The following MEGF9 variants were observed in gnomAD, a reference collection of about 807,000 sequenced individuals.
MEGF9 encodes the protein multiple epidermal growth factor-like domains protein 9.
Under a neutral mutation model 46.8 loss-of-function variants are expected in MEGF9, and 6 were observed. The observed-to-expected ratio is 0.13, with a 90% CI of 0.07 to 0.25. The LOEUF (loss-of-function observed/expected upper bound fraction) is 0.25. Among genes scored for constraint, MEGF9 ranks in the 10% least tolerant of loss-of-function variants. The pLI, the probability that MEGF9 is intolerant of heterozygous loss-of-function variation, is 1.00. For missense variants in MEGF9, 683 were observed against 792.4 expected (o/e 0.86, Z 1.66); for synonymous variants, 302 against 330.7 (o/e 0.91, Z 0.94).
At chr9:120,630,118 G>A (rs1053340975) in intron 2 of MEGF9, among the ~76,000 whole-genome samples, 3 of 151,996 alleles carry the variant, frequency 2.0e-5, no homozygotes, top group Non-Finnish European at 2.9e-5. Context: ...GGTACAGTGT[G>A]GTATGTCAAT....
chr9:120,696,339 G>T (rs1033808191), intron 1 of MEGF9, among the ~76,000 whole-genome samples: 7 of 152,162 alleles, frequency 4.6e-5, no homozygotes, highest in African/African-American at 1.4e-4. Flanking sequence ...TAGTGATTAG[G>T]AGAGGCAGCT....
chr9:120,646,449 T>A (rs1228129144), intron 2 of MEGF9, among the ~76,000 whole-genome samples: 1 of 152,162 alleles, frequency 6.6e-6, no homozygotes, highest in East Asian at 1.9e-4. Flanking sequence ...AGTAAGCCCA[T>A]CTCTGAGATG....
Position 120,637,790 on chromosome 9 carries a change from CAAAAAAAA to C in MEGF9, c.804-15043_804-15036del, listed in dbSNP as rs34861368. ...AGGGCAACAGGGCAAGACTCTGTCT[CAAAAAAAA>C]AAAAAAAAAAAAAAAAAAAGTACTA... On this transcript the variant is annotated intron_variant, in intron 2 of 5. Transcript: ENST00000373930. Among the ~76,000 whole-genome samples, 191 of 34,786 alleles carry C rather than the reference CAAAAAAAA, an allele frequency of 5.5e-3. 2 individuals carry two copies. Among genetic ancestry groups the C allele is most frequent in the African/African-American group, 0.02 (176 of 8,960 alleles). 22.8% of individuals were successfully genotyped at this position (34,786 alleles called of 152,430 possible).
chr9:120,668,889 A>G (rs1334949477), intron 1 of MEGF9, among the ~76,000 whole-genome samples: 2 of 152,202 alleles, frequency 1.3e-5, no homozygotes, highest in Non-Finnish European at 2.9e-5. Context: ...GAGTAACTCC[A>G]AAGTCCATGT....
At chr9:120,705,063 G>A (rs2043922170) in intron 1 of MEGF9, among the ~76,000 whole-genome samples, 1 of 151,960 alleles carries the variant, frequency 6.6e-6, no homozygotes, top group Non-Finnish European at 1.5e-5. Context: ...GCAGGGGGTA[G>A]GTGGGGCATA....
chr9:120,614,911 TTATATACA>T (rs947144921), intron 3 of MEGF9, among the ~76,000 whole-genome samples: 1 of 152,050 alleles, frequency 6.6e-6, no homozygotes, highest in African/African-American at 2.4e-5. Flanking sequence ...TTGCTACCCT[TTATATACA>T]TATATACATA....
At chr9:120,662,625 A>G (rs2043707587) in intron 1 of MEGF9, among the ~76,000 whole-genome samples, 1 of 152,268 alleles carries the variant, frequency 6.6e-6, no homozygotes, top group South Asian at 2.1e-4. Flanking sequence ...TAATAATAGT[A>G]GCTATACCAC....
At chr9:120,707,031 G>A (rs1341126266) in intron 1 of MEGF9, among the ~76,000 whole-genome samples, 3 of 152,106 alleles carry the variant, frequency 2.0e-5, no homozygotes, top group Non-Finnish European at 4.4e-5. Context: ...TATGGATTCT[G>A]GAGCCAGACC....
At chr9:120,664,013 T>C (rs2043714206) in intron 1 of MEGF9, among the ~76,000 whole-genome samples, 1 of 152,208 alleles carries the variant, frequency 6.6e-6, no homozygotes, top group African/African-American at 2.4e-5. Context: ...AATCAAATCC[T>C]GCACTTTTTC....
At position 120,605,595 on chromosome 9, in the gene MEGF9, A is replaced by C. The variant is rs780329338; in HGVS notation, c.1404T>G (p.Asn468Lys). ...TGGGCACTGATGTGGTCAAAGAGGC[A>C]TTGGAAACCAAAATGGTAGAACCTT... ...TPEGSTILVS[N>K]ASLTTSVPTP... Residue 468 changes from asparagine to lysine, a missense_variant, in exon 6 of 6, where the codon AAT becomes AAG. Asn to Lys is a moderately conservative substitution (Grantham distance 94). Around this residue, in one of 2 missense-constraint regions of MEGF9, gnomAD observed 313 missense variants for 421.1 expected, o/e 0.74. Coordinates refer to ENST00000373930, the MANE Select transcript of MEGF9 (RefSeq NM_001080497.3). The surrounding 1 kb of genome is among the most constrained non-coding windows in gnomAD (Gnocchi z 4.0). 2 of 1,598,766 alleles carry C rather than the reference A, an allele frequency of 1.3e-6. No individual in the cohort carries two copies. Among genetic ancestry groups the C allele is most frequent in the Non-Finnish European group, 1.7e-6 (2 of 1,171,700 alleles).
chr9:120,700,684 G>A (rs930166039), intron 1 of MEGF9, among the ~76,000 whole-genome samples: 1 of 152,010 alleles, frequency 6.6e-6, no homozygotes, highest in Non-Finnish European at 1.5e-5. Flanking sequence ...ATGATTAATA[G>A]GACTTAAGAG....
chr9:120,702,243 C>T (rs2132344046), intron 1 of MEGF9, among the ~76,000 whole-genome samples: 1 of 152,134 alleles, frequency 6.6e-6, no homozygotes, highest in South Asian at 2.1e-4. Context: ...TATTCAAAAC[C>T]CTGACTCACT....
At chr9:120,622,539 T>C (rs1194170873) in intron 3 of MEGF9, 77 bp downstream of exon 3, 1 of 1,472,818 alleles carries the variant, frequency 6.8e-7, no homozygotes, top group African/African-American at 1.4e-5. Context: ...TTCAGAAGAA[T>C]CAACCTATAG....
chr9:120,652,050 C>A lies in MEGF9; in HGVS notation c.803+7324G>T, dbSNP rs562280762. Reference sequence around the variant, plus strand: ...CTAGCATACCAACAAAAAACAAATACCCCAAAATCTACTCATACTCAAGGG... The same window carrying A: ...CTAGCATACCAACAAAAAACAAATAACCCAAAATCTACTCATACTCAAGGG... On this transcript the variant is annotated intron_variant, in intron 2 of 5. Transcript: ENST00000373930. 6.6e-5 allele frequency among the ~76,000 whole-genome samples: 10 copies of A among 150,874 alleles called. 1 individual carries two copies. The East Asian group carries it at 1.9e-3, about 29-fold the overall frequency.
At chr9:120,632,867 C>T (rs2043556825) in intron 2 of MEGF9, among the ~76,000 whole-genome samples, 2 of 152,154 alleles carry the variant, frequency 1.3e-5, no homozygotes, top group South Asian at 4.1e-4. Context: ...TACTGTCCTT[C>T]ATTCTGTTGA....
At chr9:120,642,634 G>A (rs2043608088) in intron 2 of MEGF9, among the ~76,000 whole-genome samples, 1 of 152,192 alleles carries the variant, frequency 6.6e-6, no homozygotes, top group Admixed American at 6.5e-5. Flanking sequence ...AGTCAAGAAA[G>A]CTAATATATT....
chr9:120,648,243 G>C (rs1442620766), intron 2 of MEGF9, among the ~76,000 whole-genome samples: 1 of 151,208 alleles, frequency 6.6e-6, no homozygotes, highest in African/African-American at 2.4e-5. Context: ...GGCCTTCATG[G>C]TTTGGCCCCG....
At chr9:120,614,439 C>T (rs1312454135) in intron 3 of MEGF9, among the ~76,000 whole-genome samples, 1 of 151,996 alleles carries the variant, frequency 6.6e-6, no homozygotes, top group Non-Finnish European at 1.5e-5. Context: ...ATTGTAAAGG[C>T]CTGATAGTGT....
In MEGF9 at chr9:120,659,436, A is replaced by T; in HGVS notation, c.741T>A (p.Thr247=). ...TCKEGFYLNY[T]SGLCQPCDCS... ...AGTCACATGGCTGACAGAGCCCAGAAGTGTAATTTAGGTAAAAGCCCTCTT... is the reference window on the plus strand; with the variant it reads ...AGTCACATGGCTGACAGAGCCCAGATGTGTAATTTAGGTAAAAGCCCTCTT... The change falls in exon 2 of 6, where the codon ACT becomes ACA. Residue 247 remains threonine, a synonymous_variant. Transcript: ENST00000373930. 6.2e-7 allele frequency: 1 copy of T among 1,613,808 alleles called. No homozygotes were observed. The highest frequency in any genetic ancestry group is 8.5e-7 in the Non-Finnish European group (1 of 1,179,858).
Sources: allele counts gnomAD v4.1 joint callset (sites outside exome capture counted in the v4.1 genomes callset), GRCh38; gene constraint gnomAD v4.1.1; regional missense constraint gnomAD v4.1.1; non-coding constraint Gnocchi (gnomAD v3.1); transcripts MANE v1.5; gene names NCBI Gene and HGNC (gene_info 2026-07-23, HGNC 2026-07-21).